The following FBH1 variants were observed in gnomAD, a reference collection of about 807,000 sequenced individuals.
The protein encoded by FBH1 is DNA 3'-5' helicase 1.
In FBH1, 43 loss-of-function variants were observed where a neutral mutation model predicts 115.5. That is an observed-to-expected ratio of 0.37 (90% CI 0.29 to 0.48). FBH1 has a LOEUF of 0.48. FBH1 is among the 20% of genes least tolerant of loss of function. The probability of loss-of-function intolerance (pLI) is 0.99; values close to 1 mark genes in which losing one functional copy is unlikely to be tolerated. For synonymous variants in FBH1, 524 were observed against 507.8 expected (o/e 1.03, Z -0.43); for missense variants, 1,001 against 1,337.3 (o/e 0.75, Z 3.92).
rs114415734 is a variant in FBH1, at chr10:5,924,708, C to T, written c.2596+200C>T. On this transcript the variant is annotated intron_variant, in intron 17 of 20. Coordinates refer to ENST00000362091, the MANE Select transcript of FBH1 (RefSeq NM_178150.3). This position sits in a 1 kb window ranked among gnomAD's most constrained non-coding sequence, Gnocchi z 6.2. ...TCAGCCTCGTGAGTAGCTGGGACTA[C>T]AGGCCCCACCACCAGCCCGGCTAGT... The T allele has an allele frequency of 2.1e-4, 136 of 634,150 alleles. 1 individual carries two copies. In the African/African-American group the frequency reaches 2.2e-3, roughly 10 times the overall value. 39.3% of individuals were successfully genotyped at this position (634,150 alleles called of 1,614,324 possible). A position where few individuals can be genotyped will look rare whatever the true frequency, so the allele number is the denominator to read the frequency against.
intron 1 of FBH1, among the ~76,000 whole-genome samples, chr10:5,902,500 T>A (rs896054625): frequency 6.6e-6 from 1 of 152,166 alleles, no homozygotes; most frequent in Non-Finnish European, 1.5e-5. Context: ...CTTTTTTTGC[T>A]GTGTCGCCCA....
intron 1 of FBH1, among the ~76,000 whole-genome samples, chr10:5,902,460 A>G (rs1843404643): frequency 6.6e-6 from 1 of 152,214 alleles, no homozygotes; most frequent in Admixed American, 6.5e-5. Flanking sequence ...AACAGATGCC[A>G]AACCTCAGTA....
rs565633799 is a variant in FBH1 at position 5,935,305 on chromosome 10, A to T, written c.2830-1151A>T. 1 of 152,328 alleles carries T rather than the reference A, an allele frequency of 6.6e-6. No homozygotes were observed. Among genetic ancestry groups the T allele is most frequent in the South Asian group, 2.1e-4 (1 of 4,824 alleles). The allele number at this position is 152,328 out of a possible 1,614,324, so 9.4% of individuals were successfully genotyped here. A position where few individuals can be genotyped will look rare whatever the true frequency, so the allele number is the denominator to read the frequency against. The stretch of plus-strand genomic sequence containing the variant: ...GCAAGGGAATGGGTAAATGAAATAC[A>T]AGAGAGCGCTGTGACTGAGTCCTCT... On this transcript the variant is annotated intron_variant, in intron 19 of 20. Coordinates refer to ENST00000362091, the MANE Select transcript of FBH1 (RefSeq NM_178150.3). The surrounding 1 kb of genome is among the most constrained non-coding windows in gnomAD (Gnocchi z 5.2).
At position 5,923,163 on chromosome 10, in the gene FBH1, A is replaced by G. The variant is rs988809643; in HGVS notation, c.2323-458A>G. On this transcript the variant is annotated intron_variant, in intron 15 of 20. Transcript: ENST00000362091. This position sits in a 1 kb window ranked among gnomAD's most constrained non-coding sequence, Gnocchi z 5.7. ...CTCCCAAAGTGCTGGGATTACAGGC[A>G]TGAGCCACTGCGCCTGGCCTGTAGT... Among the ~76,000 whole-genome samples the G allele has an allele frequency of 4.6e-5, 7 of 152,214 alleles. No homozygotes were observed. Among genetic ancestry groups the G allele is most frequent in the Admixed American group, 2.6e-4 (4 of 15,282 alleles).
chr10:5,932,667 G>C lies in FBH1; in HGVS notation c.2830-3789G>C, dbSNP rs1449153657. Reference sequence around the variant, plus strand: ...AGTGCATCTTCAGCATGCATTTCTAGAAGTGGAATTGCTGGGTAAAGATAA... The same window carrying C: ...AGTGCATCTTCAGCATGCATTTCTACAAGTGGAATTGCTGGGTAAAGATAA... On this transcript the variant is annotated intron_variant, in intron 19 of 20. Transcript: ENST00000362091. The surrounding 1 kb of genome is among the most constrained non-coding windows in gnomAD (Gnocchi z 5.9). 3.3e-5 allele frequency among the ~76,000 whole-genome samples: 5 copies of C among 152,192 alleles called. No homozygotes were observed. Among genetic ancestry groups the C allele is most frequent in the African/African-American group, 1.2e-4 (5 of 41,442 alleles).
intron 1 of FBH1, among the ~76,000 whole-genome samples, chr10:5,902,810 G>T (rs548850680): frequency 4.1e-4 from 62 of 151,888 alleles, no homozygotes; most frequent in African/African-American, 1.4e-3. Context: ...ATCTTAAAAT[G>T]TCACTTAGGA....
intron 19 of FBH1, among the ~76,000 whole-genome samples, chr10:5,930,225 C>T (rs664603): frequency 1.4e-4 from 21 of 152,044 alleles, no homozygotes; most frequent in African/African-American, 4.1e-4. Context: ...CTCTACTACC[C>T]GATCCATAAT....
chr10:5,923,589 AAAAC>A lies in FBH1; in HGVS notation c.2323-28_2323-25del, dbSNP rs1832437753. 1 of 1,586,760 alleles carries A rather than the reference AAAAC, an allele frequency of 6.3e-7. No homozygotes were observed. The highest frequency in any genetic ancestry group is 8.6e-7 in the Non-Finnish European group (1 of 1,162,310). The stretch of plus-strand genomic sequence containing the variant: ...ACAAAACAAAACAAAAAACAACAAA[AAAAC>A]AAAAATCCCACCAAAAAACTTTTTC... On this transcript the variant is annotated intron_variant, in intron 15 of 20. Transcript: ENST00000362091. The surrounding 1 kb of genome is among the most constrained non-coding windows in gnomAD (Gnocchi z 5.7).
rs1842930636 is a variant in FBH1 at position 5,895,011 on chromosome 10, G to A, written c.1+4665G>A. On this transcript the variant is annotated intron_variant, in intron 1 of 20. Transcript: ENST00000362091. This position sits in a 1 kb window ranked among gnomAD's most constrained non-coding sequence, Gnocchi z 5.0. ...TACTTTTATGGTGCTGGAGTTGAGA[G>A]ATAACACAGTTAACTGTTGAAATTG... is the stretch of plus-strand genomic sequence containing the variant. 3 of 1,590,994 alleles carry A rather than the reference G, an allele frequency of 1.9e-6. No individual in the cohort carries two copies. Among genetic ancestry groups the A allele is most frequent in the Admixed American group, 1.7e-5 (1 of 57,916 alleles).
rs12246606 is a variant in FBH1, at chr10:5,921,958, G to A, written c.2322+389G>A. On this transcript the variant is annotated intron_variant, in intron 15 of 20. Transcript: ENST00000362091. This position sits in a 1 kb window ranked among gnomAD's most constrained non-coding sequence, Gnocchi z 6.4. The stretch of plus-strand genomic sequence containing the variant: ...CTCTAGTTCTGACTGGTCACTAACC[G>A]TGTGTGGCTTGGGGCAAGTCACAAC... 0.015 allele frequency among the ~76,000 whole-genome samples: 2,347 copies of A among 152,306 alleles called. 53 individuals carry two copies. Among genetic ancestry groups the A allele is most frequent in the East Asian group, 0.047 (244 of 5,186 alleles).
At position 5,909,123 on chromosome 10, in the gene FBH1, A is replaced by T; in HGVS notation, c.885-36A>T. 6.2e-7 allele frequency: 1 copy of T among 1,612,460 alleles called. No individual in the cohort carries two copies. Among genetic ancestry groups the T allele is most frequent in the East Asian group, 2.2e-5 (1 of 44,814 alleles). ...TCCTTGTACATCAGTGCTTATGGTC[A>T]CCCTACTCATGGCCTCTCCTGTGAA... On this transcript the variant is annotated intron_variant, in intron 4 of 20. Transcript: ENST00000362091. The surrounding 1 kb of genome is among the most constrained non-coding windows in gnomAD (Gnocchi z 4.4).
Position 5,933,841 on chromosome 10 carries a change from G to A in FBH1, c.2830-2615G>A, listed in dbSNP as rs1333693337. On this transcript the variant is annotated intron_variant, in intron 19 of 20. Coordinates refer to ENST00000362091, the MANE Select transcript of FBH1 (RefSeq NM_178150.3). The surrounding 1 kb of genome is among the most constrained non-coding windows in gnomAD (Gnocchi z 4.9). The stretch of plus-strand genomic sequence containing the variant: ...TTGGTATTTTTTTTTTGTTAAAGAC[G>A]AGGTTTCACCATGTTGGCCAGGCTG... Among the ~76,000 whole-genome samples the A allele has an allele frequency of 1.3e-5, 2 of 151,770 alleles. No homozygotes were observed. Among genetic ancestry groups the A allele is most frequent in the Non-Finnish European group, 1.5e-5 (1 of 67,956 alleles).
rs770373264 is a variant in FBH1, at chr10:5,923,585, CA to C, written c.2323-29del. 8 of 1,569,658 alleles carry C rather than the reference CA, an allele frequency of 5.1e-6. No individual in the cohort carries two copies. The East Asian group carries it at 9.0e-5, about 18-fold the overall frequency. On this transcript the variant is annotated intron_variant, in intron 15 of 20. Coordinates refer to ENST00000362091, the MANE Select transcript of FBH1 (RefSeq NM_178150.3). The surrounding 1 kb of genome is among the most constrained non-coding windows in gnomAD (Gnocchi z 5.7). ...ACAAACAAAACAAAACAAAAAACAA[CA>C]AAAAAACAAAAATCCCACCAAAAAA...
Position 5,917,107 on chromosome 10 carries a change from C to A in FBH1, c.1789-313C>A. 3.3e-6 allele frequency: 1 copy of A among 305,356 alleles called. No individual in the cohort carries two copies. Among genetic ancestry groups the A allele is most frequent in the Non-Finnish European group, 6.2e-6 (1 of 160,914 alleles). 18.9% of individuals were successfully genotyped at this position (305,356 alleles called of 1,614,324 possible). On this transcript the variant is annotated intron_variant, in intron 10 of 20. Transcript: ENST00000362091. This position sits in a 1 kb window ranked among gnomAD's most constrained non-coding sequence, Gnocchi z 5.6. ...TTCATCAAGTCTTTTCAATCATGTG[C>A]CATTGTTTTTGTGAATTAAGCATCA...
intron 18 of FBH1, among the ~76,000 whole-genome samples, chr10:5,926,113 ATTCTTC>A (rs199729007): frequency 0.34 from 51,369 of 150,786 alleles, 10,239 homozygotes; most frequent in East Asian, 0.66. Flanking sequence ...TCTTATTCTT[ATTCTTC>A]TTATTATTAT....
At chr10:5,896,500 G>A (rs1843012189) in intron 1 of FBH1, among the ~76,000 whole-genome samples, 1 of 152,138 alleles carries the variant, frequency 6.6e-6, no homozygotes, top group Admixed American at 6.5e-5. Flanking sequence ...GCTTACTTAA[G>A]CCTAGGGAAT....
Position 5,913,650 on chromosome 10 carries a change from T to G in FBH1, c.1212-97T>G, listed in dbSNP as rs1406654668. The G allele has an allele frequency of 1.2e-6, 1 of 814,354 alleles. No homozygotes were observed. Among genetic ancestry groups the G allele is most frequent in the Non-Finnish European group, 1.9e-6 (1 of 525,844 alleles). The allele number at this position is 814,354 out of a possible 1,614,324, so 50.4% of individuals were successfully genotyped here. On this transcript the variant is annotated intron_variant, in intron 6 of 20. Transcript: ENST00000362091. The surrounding 1 kb of genome is among the most constrained non-coding windows in gnomAD (Gnocchi z 4.4). ...TAAATGGTGGTAGGTATTTTCTTTT[T>G]AGAAATGGGAAGGAGTTTAAATCCA... is the stretch of plus-strand genomic sequence containing the variant.
At chr10:5,916,500 G>A in intron 10 of FBH1, 44 bp downstream of exon 10, 1 of 1,590,042 alleles carries the variant, frequency 6.3e-7, no homozygotes, top group Non-Finnish European at 8.6e-7. Context: ...TGAGGATGGG[G>A]GAACAGGGGA....
At position 5,936,856 on chromosome 10, in the gene FBH1, G is replaced by T; in HGVS notation, c.2962-254G>T. ...GAGAGAGCTGTTCCCTGGGGTCCCA[G>T]CGCAGCTTTTCTTGGTTCTTTATCT... On this transcript the variant is annotated intron_variant, in intron 20 of 20. Coordinates refer to ENST00000362091, the MANE Select transcript of FBH1 (RefSeq NM_178150.3). This position sits in a 1 kb window ranked among gnomAD's most constrained non-coding sequence, Gnocchi z 5.6. 1.7e-6 allele frequency: 1 copy of T among 592,220 alleles called. No homozygotes were observed. The highest frequency in any genetic ancestry group is 2.9e-6 in the Non-Finnish European group (1 of 341,602). The allele number at this position is 592,220 out of a possible 1,614,324, so 36.7% of individuals were successfully genotyped here.
Sources: allele counts gnomAD v4.1 joint callset (sites outside exome capture counted in the v4.1 genomes callset), GRCh38; gene constraint gnomAD v4.1.1; non-coding constraint Gnocchi (gnomAD v3.1); transcripts MANE v1.5; gene names NCBI Gene and HGNC (gene_info 2026-07-23, HGNC 2026-07-21).